PTPRT: variants seen among roughly 807,000 people sequenced by gnomAD.
PTPRT encodes the protein protein tyrosine phosphatase receptor type T.
Under a neutral mutation model 176.8 loss-of-function variants are expected in PTPRT, and 56 were observed. The observed-to-expected ratio is 0.32, with a 90% CI of 0.26 to 0.40. The LOEUF (loss-of-function observed/expected upper bound fraction) is 0.40. Ranked by LOEUF, PTPRT falls within the 10% of genes least tolerant of loss-of-function variation. The pLI is 1.00. For synonymous variants in PTPRT, 783 were observed against 739.0 expected, an observed-to-expected ratio of 1.06 and a Z score of -0.96; for missense variants, 1,540 against 1,908.2, an observed-to-expected ratio of 0.81 and a Z score of 3.60.
Position 42,076,916 on chromosome 20 carries a change from T to C in PTPRT, c.*3963A>G. On this transcript the variant is annotated 3_prime_UTR_variant, in exon 31 of 31. Transcript: ENST00000373187. ...TCTGTTCCACTCTAGTCTCTTCTGT[T>C]ATGGGTAACCTCCTGGGAAAAATGT... is the stretch of plus-strand genomic sequence containing the variant. 5.1e-6 allele frequency: 1 copy of C among 197,698 alleles called. No homozygotes were observed. 12.2% of individuals were successfully genotyped at this position (197,698 alleles called of 1,614,324 possible). A position where few individuals can be genotyped will look rare whatever the true frequency, so the allele number is the denominator to read the frequency against.
chr20:43,144,334 C>G (rs2014104443), intron 1 of PTPRT, among the ~76,000 whole-genome samples: 1 of 152,158 alleles, frequency 6.6e-6, no homozygotes. Flanking sequence ...CAATTCCCAA[C>G]TGGGCACCAT....
At chr20:42,071,210 C>T (rs1982317778), downstream of PTPRT, among the ~76,000 whole-genome samples, 1 of 152,138 alleles carries the variant, frequency 6.6e-6, no homozygotes, top group African/African-American at 2.4e-5. Context: ...CTTGTGTTTC[C>T]AGCTCAGGCT....
At chr20:42,275,028 C>A (rs893665282) in intron 13 of PTPRT, among the ~76,000 whole-genome samples, 1 of 152,146 alleles carries the variant, frequency 6.6e-6, no homozygotes, top group Admixed American at 6.5e-5. Context: ...GAAACTTGAG[C>A]TCCTTATTTA....
At chr20:42,344,262 A>C (rs2058155056) in intron 11 of PTPRT, among the ~76,000 whole-genome samples, 1 of 152,214 alleles carries the variant, frequency 6.6e-6, no homozygotes, top group Admixed American at 6.5e-5. Context: ...TTCGACCTTC[A>C]AAACAATCTG....
At chr20:42,439,743 A>G (rs1343831590) in intron 9 of PTPRT, among the ~76,000 whole-genome samples, 1 of 152,180 alleles carries the variant, frequency 6.6e-6, no homozygotes, top group Non-Finnish European at 1.5e-5. Context: ...GGAACTTAAA[A>G]ACAACAAACA....
chr20:42,104,841 C>A, intron 24 of PTPRT, 123 bp from the exon 25 acceptor site: 3 of 1,109,470 alleles, frequency 2.7e-6, no homozygotes, highest in Admixed American at 2.9e-5. Context: ...TTACAGGATC[C>A]TTACTTTTTA....
chr20:42,189,498 C>T (rs139308697), intron 16 of PTPRT, among the ~76,000 whole-genome samples: 65 of 152,262 alleles, frequency 4.3e-4, no homozygotes, highest in African/African-American at 1.5e-3. Flanking sequence ...GGCATAGAGT[C>T]GGCATTCATT....
intron 1 of PTPRT, among the ~76,000 whole-genome samples, chr20:43,050,714 A>T (rs543346442): frequency 2.6e-5 from 4 of 152,262 alleles, no homozygotes; most frequent in African/African-American, 7.2e-5. Flanking sequence ...TTATAACCCA[A>T]ATGTTGGTGT....
chr20:42,039,038 G>A, the PTPRT span, among the ~76,000 whole-genome samples: 7 of 152,248 alleles, frequency 4.6e-5, no homozygotes, highest in Middle Eastern at 3.4e-3. Flanking sequence ...TTGCAGGAGC[G>A]GGGTTGTGGA....
At chr20:42,524,708 T>C (rs75016092) in intron 7 of PTPRT, among the ~76,000 whole-genome samples, 20,306 of 152,198 alleles carry the variant, frequency 0.13, 1,715 homozygotes, top group East Asian at 0.26. Context: ...ACTTTGAATA[T>C]TGTCCCTTCC....
rs532472589 is a variant in PTPRT at position 42,912,016 on chromosome 20, T to C, written c.89-26084A>G. Reference sequence around the variant, plus strand: ...TTTTGCTTTCAAATTTTACTACTTATAAGGCAAGGTAATAAACCCTAGGAA... The same window carrying C: ...TTTTGCTTTCAAATTTTACTACTTACAAGGCAAGGTAATAAACCCTAGGAA... On this transcript the variant is annotated intron_variant, in intron 1 of 30. Coordinates refer to ENST00000373187, the MANE Select transcript of PTPRT (RefSeq NM_007050.6). Among the ~76,000 whole-genome samples, 12 of 148,788 alleles carry C rather than the reference T, an allele frequency of 8.1e-5. No individual in the cohort carries two copies. The South Asian group carries it at 1.5e-3, about 19-fold the overall frequency.
At chr20:42,609,886 C>T (rs995182744) in intron 7 of PTPRT, among the ~76,000 whole-genome samples, 8 of 152,206 alleles carry the variant, frequency 5.3e-5, no homozygotes, top group African/African-American at 1.9e-4. Context: ...TTAAAATATA[C>T]ATTTCACCTC....
intron 7 of PTPRT, among the ~76,000 whole-genome samples, chr20:42,658,295 A>G (rs1414253622): frequency 6.6e-6 from 1 of 152,184 alleles, no homozygotes; most frequent in Non-Finnish European, 1.5e-5. Context: ...TTAACATTGA[A>G]CTGACAGCCA....
chr20:42,319,608 C>G (rs1332701094), intron 11 of PTPRT, among the ~76,000 whole-genome samples: 2 of 152,180 alleles, frequency 1.3e-5, no homozygotes, highest in Non-Finnish European at 2.9e-5. Context: ...TTCAGCCTCT[C>G]TCAAAGACCA....
At chr20:42,162,526 C>A (rs1396500237) in intron 16 of PTPRT, among the ~76,000 whole-genome samples, 1 of 152,220 alleles carries the variant, frequency 6.6e-6, no homozygotes, top group Non-Finnish European at 1.5e-5. Context: ...TCTCTCAGGG[C>A]CAGTTTACCT....
In PTPRT at chr20:42,315,705, C is replaced by T; in HGVS notation, c.2139+18G>A. The T allele has an allele frequency of 6.2e-7, 1 of 1,608,150 alleles. No individual in the cohort carries two copies. Among genetic ancestry groups the T allele is most frequent in the African/African-American group, 1.3e-5 (1 of 74,898 alleles). On this transcript the variant is annotated intron_variant, in intron 12 of 30. Coordinates refer to ENST00000373187, the MANE Select transcript of PTPRT (RefSeq NM_007050.6). ...ATGCAAACAAGGCAAGGAATGGCCTCCATGTGGCCATACTTACTCCATTGG... is the reference window on the plus strand; with the variant it reads ...ATGCAAACAAGGCAAGGAATGGCCTTCATGTGGCCATACTTACTCCATTGG...
chr20:43,075,373 T>C (rs138740689), intron 1 of PTPRT, among the ~76,000 whole-genome samples: 53 of 152,354 alleles, frequency 3.5e-4, no homozygotes, highest in African/African-American at 1.3e-3. Context: ...CGTCGAGAGC[T>C]CCGCAGAGCG....
At chr20:42,997,813 T>G (rs1362794099) in intron 1 of PTPRT, among the ~76,000 whole-genome samples, 1 of 152,080 alleles carries the variant, frequency 6.6e-6, no homozygotes, top group Non-Finnish European at 1.5e-5. Context: ...CTAATAAAGG[T>G]CATGACCAGG....
chr20:42,228,639 A>C (rs1213152451), intron 15 of PTPRT, among the ~76,000 whole-genome samples: 4 of 152,266 alleles, frequency 2.6e-5, no homozygotes, highest in Non-Finnish European at 4.4e-5. Context: ...GTGAACATGG[A>C]TATTAACTAA....
Sources: allele counts gnomAD v4.1 joint callset (sites outside exome capture counted in the v4.1 genomes callset), GRCh38; gene constraint gnomAD v4.1.1; transcripts MANE v1.5; gene names NCBI Gene and HGNC (gene_info 2026-07-23, HGNC 2026-07-21).